The following UTS2B variants were observed in gnomAD, a reference collection of about 807,000 sequenced individuals.
UTS2B encodes the protein urotensin 2B.
UTS2B carries 21 observed loss-of-function variants against 19.2 expected under a neutral mutation model. The observed-to-expected ratio is 1.09, with a 90% CI of 0.78 to 1.58. UTS2B has a LOEUF of 1.58. Among genes scored for constraint, UTS2B ranks in the 40% most tolerant of loss-of-function variants. UTS2B has a pLI of 0.00. For missense variants in UTS2B, 138 were observed against 130.3 expected (o/e 1.06, Z -0.29); for synonymous variants, 57 against 50.2 (o/e 1.14, Z -0.58).
At chr3:191,307,677 G>A (rs1416153904) in intron 3 of UTS2B, among the ~76,000 whole-genome samples, 1 of 152,122 alleles carries the variant, frequency 6.6e-6, no homozygotes. Context: ...CTTTCAGCCT[G>A]TGTTATTCTC....
intron 4 of UTS2B, among the ~76,000 whole-genome samples, chr3:191,302,201 T>C (rs1373532661): frequency 1.3e-5 from 2 of 152,210 alleles, no homozygotes; most frequent in African/African-American, 4.8e-5. Flanking sequence ...TTGTAATGTA[T>C]TAGCACACTA....
chr3:191,336,786 A>G, the UTS2B span, among the ~76,000 whole-genome samples: 13,786 of 152,210 alleles, frequency 0.091, 681 homozygotes, highest in East Asian at 0.24. Context: ...GGCCACCCCA[A>G]TACAAGGATC....
At chr3:191,331,901 T>C (rs2108626172), upstream of UTS2B, among the ~76,000 whole-genome samples, 1 of 152,270 alleles carries the variant, frequency 6.6e-6, no homozygotes, top group Admixed American at 6.5e-5. Flanking sequence ...TTGAGAAGGG[T>C]TAGTAGTAGT....
intron 2 of UTS2B, among the ~76,000 whole-genome samples, chr3:191,325,311 A>T (rs535603905): frequency 6.7e-6 from 1 of 149,962 alleles, no homozygotes; most frequent in East Asian, 2.0e-4. Context: ...TAGGAAAGAC[A>T]TATGTTCTAA....
chr3:191,285,302 G>A (rs1481623690), intron 4 of UTS2B, among the ~76,000 whole-genome samples: 1 of 152,052 alleles, frequency 6.6e-6, no homozygotes, highest in Non-Finnish European at 1.5e-5. Context: ...CTTTATTTTA[G>A]CTTCACGGTA....
chr3:191,325,849 T>C (rs1717732190), intron 2 of UTS2B, among the ~76,000 whole-genome samples: 1 of 152,218 alleles, frequency 6.6e-6, no homozygotes, highest in Non-Finnish European at 1.5e-5. Context: ...TTCTGACACC[T>C]TGCTCTTGGA....
At chr3:191,285,947 T>C (rs551630486) in intron 4 of UTS2B, among the ~76,000 whole-genome samples, 35 of 152,142 alleles carry the variant, frequency 2.3e-4, no homozygotes, top group African/African-American at 7.9e-4. Context: ...AGATATTCCA[T>C]GCAAATGAAT....
At chr3:191,323,631 G>C (rs1475607147) in intron 2 of UTS2B, among the ~76,000 whole-genome samples, 1 of 152,166 alleles carries the variant, frequency 6.6e-6, no homozygotes, top group African/African-American at 2.4e-5. Context: ...CCATGTCTTG[G>C]CATCTTGCTA....
chr3:191,310,834 G>C (rs564430977), intron 3 of UTS2B, among the ~76,000 whole-genome samples: 580 of 152,310 alleles, frequency 3.8e-3, no homozygotes, highest in Non-Finnish European at 6.2e-3. Flanking sequence ...AAAAAGTGCT[G>C]CTAACTTCCC....
chr3:191,315,305 G>A (rs1352047222), intron 3 of UTS2B, among the ~76,000 whole-genome samples: 1 of 152,122 alleles, frequency 6.6e-6, no homozygotes, highest in Non-Finnish European at 1.5e-5. Context: ...GAGCCACCAC[G>A]CCCGGCCTAC....
At chr3:191,290,501 C>G (rs970195626) in intron 4 of UTS2B, among the ~76,000 whole-genome samples, 1 of 151,826 alleles carries the variant, frequency 6.6e-6, no homozygotes, top group Non-Finnish European at 1.5e-5. Flanking sequence ...AGTTTTGGAA[C>G]CAAAAGTGAA....
intron 3 of UTS2B, among the ~76,000 whole-genome samples, chr3:191,309,972 TC>T (rs1717253573): frequency 6.6e-6 from 1 of 152,060 alleles, no homozygotes. Context: ...TTCTTTTTTT[TC>T]TTTCTTTGTG....
chr3:191,331,258 T>C (rs530520064), upstream of UTS2B, among the ~76,000 whole-genome samples: 6 of 152,314 alleles, frequency 3.9e-5, no homozygotes, highest in African/African-American at 7.2e-5. Context: ...GTATTAATCA[T>C]ATGGTGCTAT....
chr3:191,270,511 G>A (rs1276853321), intron 8 of UTS2B, among the ~76,000 whole-genome samples: 2 of 152,046 alleles, frequency 1.3e-5, no homozygotes, highest in Non-Finnish European at 2.9e-5. Context: ...CAAACATGTT[G>A]TAATATCTAC....
Position 191,307,877 on chromosome 3 carries a change from C to T in UTS2B, c.-181-3329G>A, listed in dbSNP as rs6792528. Among the ~76,000 whole-genome samples, 386 of 148,988 alleles carry T rather than the reference C, an allele frequency of 2.6e-3. 3 individuals carry two copies. The highest frequency in any genetic ancestry group is 9.1e-3 in the African/African-American group (364 of 39,906). ...TTGAGTCAGAGTCTCGCTCCGTTGC[C>T]CAGGCTGGAGTGTAGTGGCACAATC... On this transcript the variant is annotated intron_variant, in intron 3 of 8. Coordinates refer to ENST00000340524, the MANE Select transcript of UTS2B (RefSeq NM_198152.5).
chr3:191,290,408 A>C (rs966803029), intron 4 of UTS2B, among the ~76,000 whole-genome samples: 1 of 152,206 alleles, frequency 6.6e-6, no homozygotes, highest in Non-Finnish European at 1.5e-5. Context: ...AGCACCTCAC[A>C]AATAGTACCT....
chr3:191,318,917 C>G (rs542009238), intron 2 of UTS2B, among the ~76,000 whole-genome samples: 12 of 152,178 alleles, frequency 7.9e-5, no homozygotes, highest in African/African-American at 2.7e-4. Flanking sequence ...TTAATCACAG[C>G]TGCACTTGTA....
At chr3:191,333,336 G>A (rs1256443007), upstream of UTS2B, among the ~76,000 whole-genome samples, 2 of 152,178 alleles carry the variant, frequency 1.3e-5, no homozygotes, top group Non-Finnish European at 2.9e-5. Context: ...GTTAAATTAA[G>A]TTAATGGCGT....
the UTS2B span, among the ~76,000 whole-genome samples, chr3:191,342,554 G>A: frequency 6.6e-6 from 1 of 152,150 alleles, no homozygotes; most frequent in Non-Finnish European, 1.5e-5. Context: ...GTGTAAACTT[G>A]TACTTAAGCT....
Sources: gnomAD v4.1 joint callset for allele counts (sites outside exome capture counted in the v4.1 genomes callset) on GRCh38, gnomAD v4.1.1 for gene constraint, MANE v1.5 for transcripts, NCBI Gene and HGNC (gene_info 2026-07-23, HGNC 2026-07-21) for gene names.